Variants in SYK observed in about 807,000 individuals in gnomAD.
SYK encodes the protein spleen associated tyrosine kinase.
In SYK, 16 loss-of-function variants were observed where a neutral mutation model predicts 77.8. That is an observed-to-expected ratio of 0.21 (90% CI 0.14 to 0.31). The LOEUF (loss-of-function observed/expected upper bound fraction) is 0.31, where lower values mean the gene tolerates loss of function less well. Among genes scored for constraint, SYK ranks in the 10% least tolerant of loss-of-function variants. The pLI is 1.00. For missense variants in SYK, 529 were observed against 814.4 expected, an observed-to-expected ratio of 0.65 and a Z score of 4.26; for synonymous variants, 312 against 308.7, an observed-to-expected ratio of 1.01 and a Z score of -0.11.
rs759425291 is a variant in SYK, at chr9:90,878,838, A to G, written c.1466A>G (p.Asn489Ser). 5 of 1,614,188 alleles carry G rather than the reference A, an allele frequency of 3.1e-6. No homozygotes were observed. The East Asian group carries it at 1.1e-4, about 36-fold the overall frequency. The change falls in exon 11 of 14, where the codon AAT (asparagine) becomes AGT (serine). Residue 489 changes from asparagine (N) to serine (S), a missense_variant. By Grantham distance (46) the Asn-to-Ser change is conservative (BLOSUM62 1). This residue lies in a region of SYK where 208 missense variants were observed against 381.3 expected (regional missense o/e 0.55). Coordinates refer to ENST00000375754, the MANE Select transcript of SYK (RefSeq NM_003177.7). The part of the protein sequence containing the change: ...SMGMKYLEES[N>S]FVHRDLAARN... ...GGCATGAAGTACTTGGAGGAGAGCA[A>G]TTTTGTGCACAGAGATCTGGCTGCA... is the stretch of plus-strand genomic sequence containing the variant.
At chr9:90,848,603 A>T (rs982465527) in intron 3 of SYK, among the ~76,000 whole-genome samples, 1 of 152,198 alleles carries the variant, frequency 6.6e-6, no homozygotes, top group Non-Finnish European at 1.5e-5. Context: ...TCGGGCCTTC[A>T]TTCAGATTCT....
chr9:90,862,474 A>C lies in SYK; in HGVS notation c.717+130A>C, dbSNP rs1228928022. ...ACAGTGTGGTCCCCAGGCCAGCAGT[A>C]GCTCTGGAGCTCATGAGAAACACAC... is the stretch of plus-strand genomic sequence containing the variant. On this transcript the variant is annotated intron_variant, in intron 4 of 13. Transcript: ENST00000375754. The C allele has an allele frequency of 4.7e-6, 5 of 1,069,052 alleles. No homozygotes were observed. In the East Asian group the frequency reaches 8.2e-5, roughly 18 times the overall value. 66.2% of individuals were successfully genotyped at this position (1,069,052 alleles called of 1,614,324 possible).
At chr9:90,834,184 T>TCATGCACACACATGTGTGCACACA (rs565674643) in intron 1 of SYK, among the ~76,000 whole-genome samples, 2,417 of 152,066 alleles carry the variant, frequency 0.016, 52 homozygotes, top group African/African-American at 0.056. Flanking sequence ...TCTCCCAGCC[T>TCATGCACACACATGTGTGCACACA]CATGCACACA....
intron 1 of SYK, among the ~76,000 whole-genome samples, chr9:90,817,864 TGTGTGTGTGTGTGTGTGTGAGAGAGA>T (rs1203053898): frequency 1.5e-4 from 17 of 110,084 alleles, no homozygotes; most frequent in African/African-American, 6.5e-4. Context: ...TGTGTGTGTG[TGTGTGTGTGTGTGTGTGTGAGAGAGA>T]GAGAGAGAGA....
chr9:90,840,176 G>T (rs1317057076), intron 1 of SYK, among the ~76,000 whole-genome samples: 1 of 152,160 alleles, frequency 6.6e-6, no homozygotes, highest in Non-Finnish European at 1.5e-5. Flanking sequence ...GTTCCTGGCT[G>T]GGACACCGCC....
At chr9:90,829,583 T>C (rs16906859) in intron 1 of SYK, among the ~76,000 whole-genome samples, 2,956 of 152,316 alleles carry the variant, frequency 0.019, 99 homozygotes, top group East Asian at 0.16. Flanking sequence ...AAAGTGGAAC[T>C]CTCGGACCAG....
rs998539411 is a variant in SYK, at chr9:90,897,331, C to T, written c.*1731C>T. On this transcript the variant is annotated 3_prime_UTR_variant, in exon 14 of 14. Transcript: ENST00000375754. ...GGTGGTTTAATCATATTTTTAAAGA[C>T]AGAATCCCTGAGTGCTGAGCAGATT... is the stretch of plus-strand genomic sequence containing the variant. 4.3e-5 allele frequency: 10 copies of T among 230,802 alleles called. No homozygotes were observed. The highest frequency in any genetic ancestry group is 2.2e-4 in the African/African-American group (10 of 45,224). The allele number at this position is 230,802 out of a possible 1,614,324, so 14.3% of individuals were successfully genotyped here.
At chr9:90,877,831 G>T (rs1828004269) in intron 10 of SYK, 51 bp downstream of exon 10, 1 of 1,601,592 alleles carries the variant, frequency 6.2e-7, no homozygotes, top group African/African-American at 1.3e-5. Context: ...AAGGGACAGG[G>T]CCCACCCCTG....
intron 1 of SYK, among the ~76,000 whole-genome samples, chr9:90,833,982 G>A (rs290211): frequency 0.11 from 16,362 of 152,180 alleles, 1,358 homozygotes; most frequent in East Asian, 0.45. Context: ...TTGGTGTGGG[G>A]CAGAAAGAAT....
intron 10 of SYK, among the ~76,000 whole-genome samples, chr9:90,878,055 C>G (rs1828012701): frequency 6.6e-6 from 1 of 152,196 alleles, no homozygotes; most frequent in African/African-American, 2.4e-5. Context: ...GTGATAGACT[C>G]AGCCTCAGAA....
intron 5 of SYK, 77 bp from the exon 6 acceptor site, chr9:90,864,967 CATTG>C: frequency 7.3e-7 from 1 of 1,370,260 alleles, no homozygotes; most frequent in Non-Finnish European, 1.0e-6. Context: ...ATCCTGATCT[CATTG>C]ATTGATCTGC....
chr9:90,852,134 T>C (rs1826846222), intron 3 of SYK, among the ~76,000 whole-genome samples: 1 of 152,244 alleles, frequency 6.6e-6, no homozygotes, highest in Non-Finnish European at 1.5e-5. Context: ...AGACTATTCA[T>C]TCCTTCCTCT....
intron 11 of SYK, among the ~76,000 whole-genome samples, chr9:90,887,282 T>C (rs563583143): frequency 6.6e-5 from 10 of 152,314 alleles, no homozygotes; most frequent in African/African-American, 2.4e-4. Context: ...ATTGTCTATA[T>C]AGAGGGTGTT....
rs1481453558 is a variant in SYK, at chr9:90,877,472, TG to T, written c.1182-96del. 23 of 1,349,446 alleles carry T rather than the reference TG, an allele frequency of 1.7e-5. No homozygotes were observed. The East Asian group carries it at 5.0e-4, about 29-fold the overall frequency. The allele number at this position is 1,349,446 out of a possible 1,614,324, so 83.6% of individuals were successfully genotyped here. On this transcript the variant is annotated intron_variant, in intron 9 of 13. Transcript: ENST00000375754. The stretch of plus-strand genomic sequence containing the variant: ...TGCCACTCTGTGGCAGGTATTTCCG[TG>T]GGACTGTTTCCACAGGGGGATTATG...
intron 1 of SYK, among the ~76,000 whole-genome samples, chr9:90,827,091 TA>T (rs35660694): frequency 6.6e-6 from 1 of 152,014 alleles, no homozygotes; most frequent in Non-Finnish European, 1.5e-5. Flanking sequence ...TAGGACTTTT[TA>T]AAAAAACATA....
chr9:90,847,459 A>G (rs1340587647), intron 3 of SYK, among the ~76,000 whole-genome samples: 1 of 152,118 alleles, frequency 6.6e-6, no homozygotes, highest in African/African-American at 2.4e-5. Flanking sequence ...GCAGTTGTCC[A>G]GTTATCACCC....
rs769129272 is a variant in SYK, at chr9:90,884,844, TA to T, written c.1582-2904del. On this transcript the variant is annotated intron_variant, in intron 11 of 13. Coordinates refer to ENST00000375754, the MANE Select transcript of SYK (RefSeq NM_003177.7). The stretch of plus-strand genomic sequence containing the variant: ...ATACACATATGTGTGTATATACATA[TA>T]CACACATATGTGTGTATATACATAT... 1.9e-4 allele frequency among the ~76,000 whole-genome samples: 16 copies of T among 83,194 alleles called. 7 individuals are homozygous for T. Among genetic ancestry groups the T allele is most frequent in the Non-Finnish European group, 3.5e-4 (14 of 39,734 alleles). 54.6% of individuals were successfully genotyped at this position (83,194 alleles called of 152,430 possible). A position where few individuals can be genotyped will look rare whatever the true frequency, so the allele number is the denominator to read the frequency against.
At chr9:90,855,899 T>C (rs1193198643) in intron 3 of SYK, among the ~76,000 whole-genome samples, 1 of 150,876 alleles carries the variant, frequency 6.6e-6, no homozygotes, top group East Asian at 1.9e-4. Flanking sequence ...CTGTTTGAGA[T>C]ACCTGTTACC....
intron 1 of SYK, among the ~76,000 whole-genome samples, chr9:90,832,312 G>A (rs979972588): frequency 3.3e-5 from 5 of 152,244 alleles, no homozygotes; most frequent in African/African-American, 9.6e-5. Context: ...AGAAAGAAAA[G>A]AAAGAAATGA....
Sources: allele counts gnomAD v4.1 joint callset (sites outside exome capture counted in the v4.1 genomes callset), GRCh38; gene constraint gnomAD v4.1.1; regional missense constraint gnomAD v4.1.1; transcripts MANE v1.5; gene names NCBI Gene and HGNC (gene_info 2026-07-23, HGNC 2026-07-21).